Variants in GRAP2 observed in about 807,000 individuals in gnomAD.
The protein encoded by GRAP2 is GRB2 related adaptor protein 2.
A neutral mutation model predicts 43.5 loss-of-function variants in GRAP2; 31 were observed. That is an observed-to-expected ratio of 0.71 (90% CI 0.54 to 0.96). GRAP2 has a LOEUF of 0.96. Ranked by LOEUF, GRAP2 falls within the 40% of genes least tolerant of loss-of-function variation. The pLI is 0.00. For synonymous variants in GRAP2, 156 were observed against 164.8 expected, an observed-to-expected ratio of 0.95 and a Z score of 0.41; for missense variants, 371 against 424.4, an observed-to-expected ratio of 0.87 and a Z score of 1.11.
upstream of GRAP2, among the ~76,000 whole-genome samples, chr22:39,899,804 G>A (rs369999298): frequency 5.9e-5 from 9 of 152,138 alleles, no homozygotes; most frequent in East Asian, 9.7e-4. Context: ...CCGACATGGT[G>A]AAACCCCATC....
chr22:39,939,580 A>AAG (rs1245261099), intron 1 of GRAP2, among the ~76,000 whole-genome samples: 1 of 150,462 alleles, frequency 6.6e-6, no homozygotes, highest in Non-Finnish European at 1.5e-5. Context: ...AAAAAAAAAA[A>AAG]AAGAAATGGT....
At chr22:39,922,923 T>G (rs2066665421) in intron 1 of GRAP2, among the ~76,000 whole-genome samples, 1 of 151,966 alleles carries the variant, frequency 6.6e-6, no homozygotes, top group Non-Finnish European at 1.5e-5. Context: ...GCGCCTGTAG[T>G]CCCAGCTATT....
chr22:39,960,024 C>A, intron 3 of GRAP2, 31 bp from the exon 4 acceptor site: 1 of 1,611,602 alleles, frequency 6.2e-7, no homozygotes, highest in South Asian at 1.1e-5. Context: ...GTGTCTCATC[C>A]TGATCCTTTT....
At chr22:39,939,844 G>A (rs2066848123) in intron 1 of GRAP2, among the ~76,000 whole-genome samples, 1 of 152,168 alleles carries the variant, frequency 6.6e-6, no homozygotes, top group Non-Finnish European at 1.5e-5. Context: ...GGGAGGTGGA[G>A]GTTGCAGTGA....
At chr22:39,906,049 G>C (rs1471358504) in intron 1 of GRAP2, among the ~76,000 whole-genome samples, 1 of 152,236 alleles carries the variant, frequency 6.6e-6, no homozygotes, top group Non-Finnish European at 1.5e-5. Flanking sequence ...AAAATACTTG[G>C]AACAGAAAAG....
rs201333393 is a variant in GRAP2 at position 39,966,207 on chromosome 22, G to A, written c.459+49G>A. 1.4e-4 allele frequency: 209 copies of A among 1,485,084 alleles called. No individual in the cohort carries two copies. In the African/African-American group the frequency reaches 2.7e-3, roughly 19 times the overall value. 92.0% of individuals were successfully genotyped at this position (1,485,084 alleles called of 1,614,324 possible). A position where few individuals can be genotyped will look rare whatever the true frequency, so the allele number is the denominator to read the frequency against. On this transcript the variant is annotated intron_variant, in intron 5 of 7. Transcript: ENST00000344138. ...CCAATCTAGAGATTTTAGGCAGCCT[G>A]AGTTCTCACATGAACCACCAGGAAA... is the stretch of plus-strand genomic sequence containing the variant.
At chr22:39,899,611 G>A (rs1569187970), upstream of GRAP2, among the ~76,000 whole-genome samples, 1 of 152,164 alleles carries the variant, frequency 6.6e-6, no homozygotes, top group Non-Finnish European at 1.5e-5. Flanking sequence ...TGTGGAAATA[G>A]CAGAGATCCT....
intron 1 of GRAP2, among the ~76,000 whole-genome samples, chr22:39,914,054 C>G (rs2066586106): frequency 6.6e-6 from 1 of 152,142 alleles, no homozygotes; most frequent in Non-Finnish European, 1.5e-5. Flanking sequence ...GAGAGTCTCT[C>G]CCTGACCTTT....
At chr22:39,919,835 A>G (rs888584879) in intron 1 of GRAP2, among the ~76,000 whole-genome samples, 1 of 152,256 alleles carries the variant, frequency 6.6e-6, no homozygotes, top group African/African-American at 2.4e-5. Flanking sequence ...TCATGTAAAT[A>G]CAAGTTTAAT....
chr22:39,954,233 A>G (rs1204140954), intron 2 of GRAP2, among the ~76,000 whole-genome samples: 2 of 152,246 alleles, frequency 1.3e-5, no homozygotes, highest in African/African-American at 4.8e-5. Context: ...TAAACTAAAA[A>G]TGGCTTAAAC....
chr22:39,911,269 G>A (rs2066562536), intron 1 of GRAP2, among the ~76,000 whole-genome samples: 2 of 151,990 alleles, frequency 1.3e-5, no homozygotes, highest in Non-Finnish European at 2.9e-5. Flanking sequence ...CTGATTTTTG[G>A]TTGTAGTAAC....
intron 1 of GRAP2, among the ~76,000 whole-genome samples, chr22:39,906,042 A>G (rs1345817310): frequency 6.6e-6 from 1 of 152,228 alleles, no homozygotes; most frequent in Non-Finnish European, 1.5e-5. Flanking sequence ...TGAACATAAA[A>G]TACTTGGAAC....
At chr22:39,914,344 C>T (rs1197291771) in intron 1 of GRAP2, among the ~76,000 whole-genome samples, 1 of 152,164 alleles carries the variant, frequency 6.6e-6, no homozygotes, top group Non-Finnish European at 1.5e-5. Context: ...GTTCAGCAAA[C>T]GCTTTCACTG....
rs1254540063 is a variant in GRAP2 at position 39,971,422 on chromosome 22, C to T, written c.*338C>T. 2 of 287,202 alleles carry T rather than the reference C, an allele frequency of 7.0e-6. No homozygotes were observed. Among genetic ancestry groups the T allele is most frequent in the African/African-American group, 4.5e-5 (2 of 44,070 alleles). The allele number at this position is 287,202 out of a possible 1,614,324, so 17.8% of individuals were successfully genotyped here. ...TTCCTCCTTGTCTTGGGAATTTTCA[C>T]GGAGAACAGCTAAGCAGAGACCACA... On this transcript the variant is annotated 3_prime_UTR_variant, in exon 8 of 8. Transcript: ENST00000344138.
chr22:39,911,341 A>T (rs1020392515), intron 1 of GRAP2, among the ~76,000 whole-genome samples: 1 of 152,120 alleles, frequency 6.6e-6, no homozygotes, highest in Non-Finnish European at 1.5e-5. Context: ...GCCATAAAGC[A>T]TATCTGCAAG....
chr22:39,926,534 C>A, intron 1 of GRAP2: 11 of 830,046 alleles, frequency 1.3e-5, no homozygotes, highest in Non-Finnish European at 1.4e-5. Flanking sequence ...AACAAAAGAA[C>A]CTTGAGCATA....
rs1202611332 is a variant in GRAP2 at position 39,972,126 on chromosome 22, GTCC to G, written c.*1047_*1049del. ...CTTCCTGTTCAGTCTGACCACTGCTGTCCTCCTGCTGCCCAAGAGTTGCACCTG... is the reference window on the plus strand; with the variant it reads ...CTTCCTGTTCAGTCTGACCACTGCTGTCCTGCTGCCCAAGAGTTGCACCTG... On this transcript the variant is annotated 3_prime_UTR_variant, in exon 8 of 8. Transcript: ENST00000344138. The G allele has an allele frequency of 2.0e-5, 3 of 152,504 alleles. No individual in the cohort carries two copies. The highest frequency in any genetic ancestry group is 4.4e-5 in the Non-Finnish European group (3 of 68,130). The allele number at this position is 152,504 out of a possible 1,614,324, so 9.4% of individuals were successfully genotyped here.
intron 2 of GRAP2, among the ~76,000 whole-genome samples, chr22:39,949,996 A>G (rs937633537): frequency 6.6e-6 from 1 of 152,204 alleles, no homozygotes; most frequent in African/African-American, 2.4e-5. Flanking sequence ...GACTGAAAAC[A>G]TCTGGCCCCA....
chr22:39,903,598 C>T (rs1434438328), intron 1 of GRAP2, among the ~76,000 whole-genome samples: 4 of 151,742 alleles, frequency 2.6e-5, no homozygotes, highest in Non-Finnish European at 5.9e-5. Context: ...CCACCTCAGC[C>T]TCTCAAGTAG....
Sources: allele counts gnomAD v4.1 joint callset (sites outside exome capture counted in the v4.1 genomes callset), GRCh38; gene constraint gnomAD v4.1.1; transcripts MANE v1.5; gene names NCBI Gene and HGNC (gene_info 2026-07-23, HGNC 2026-07-21).